Variants in CLASP1 observed in about 807,000 individuals in gnomAD.
The protein encoded by CLASP1 is cytoplasmic linker associated protein 1, also known as CLIP-associating protein 1.
Under a neutral mutation model 192.3 loss-of-function variants are expected in CLASP1, and 38 were observed. The observed-to-expected ratio is 0.20, with a 90% confidence interval of 0.15 to 0.26. CLASP1 has a LOEUF of 0.26. Among genes scored for constraint, CLASP1 ranks in the 10% least tolerant of loss-of-function variants. The probability of loss-of-function intolerance (pLI) is 1.00; values close to 1 mark genes in which losing one functional copy is unlikely to be tolerated. For missense variants in CLASP1, 1,433 were observed against 1,932.5 expected, an observed-to-expected ratio of 0.74 and a Z score of 4.85; for synonymous variants, 691 against 712.8, an observed-to-expected ratio of 0.97 and a Z score of 0.49.
intron 14 of CLASP1, among the ~76,000 whole-genome samples, chr2:121,455,435 T>C (rs150220240): frequency 7.2e-4 from 110 of 152,312 alleles, no homozygotes; most frequent in African/African-American, 2.5e-3. Context: ...ATAAAGATAA[T>C]GTAGCATATA....
At chr2:121,356,864 A>G (rs1181060319) in intron 37 of CLASP1, among the ~76,000 whole-genome samples, 3 of 152,224 alleles carry the variant, frequency 2.0e-5, no homozygotes, top group Non-Finnish European at 2.9e-5. Flanking sequence ...TCTAAGGGGT[A>G]GAACTAGGGC....
intron 30 of CLASP1, among the ~76,000 whole-genome samples, chr2:121,390,694 C>A (rs1189164794): frequency 6.6e-6 from 1 of 152,192 alleles, no homozygotes; most frequent in Non-Finnish European, 1.5e-5. Flanking sequence ...AGAGGAAAGG[C>A]AGAGTTTTCC....
At chr2:121,478,813 CCACA>C (rs2092134719) in intron 8 of CLASP1, among the ~76,000 whole-genome samples, 3 of 23,664 alleles carry the variant, frequency 1.3e-4, no homozygotes, top group South Asian at 1.3e-3. Context: ...CACACACACC[CCACA>C]CACAACCACA....
intron 2 of CLASP1, among the ~76,000 whole-genome samples, chr2:121,570,899 C>CA (rs1428668435): frequency 6.6e-6 from 1 of 152,046 alleles, no homozygotes; most frequent in Non-Finnish European, 1.5e-5. Flanking sequence ...ACTCGCTTAC[C>CA]CCTCCCCACT....
intron 22 of CLASP1, among the ~76,000 whole-genome samples, chr2:121,421,341 C>T (rs1344613076): frequency 3.9e-5 from 6 of 152,236 alleles, no homozygotes; most frequent in South Asian, 2.1e-4. Flanking sequence ...CTGCAACCTC[C>T]GCCTCCTGGG....
chr2:121,439,206 T>C (rs1316352102), intron 19 of CLASP1, among the ~76,000 whole-genome samples: 2 of 152,228 alleles, frequency 1.3e-5, no homozygotes, highest in African/African-American at 4.8e-5. Context: ...TTGCGTCTAT[T>C]TGATTCTTCT....
intron 8 of CLASP1, among the ~76,000 whole-genome samples, chr2:121,498,201 C>CGTTTTTTTTTTTTT (rs2093610276): frequency 8.4e-6 from 1 of 119,128 alleles, no homozygotes; most frequent in Non-Finnish European, 1.7e-5. Flanking sequence ...GTAATAGTTT[C>CGTTTTTTTTTTTTT]TTTTTTTTTT....
In CLASP1 at chr2:121,449,004, A is replaced by G. The variant is rs751884481; in HGVS notation, c.1640T>C (p.Val547Ala). 5 of 1,613,876 alleles carry G rather than the reference A, an allele frequency of 3.1e-6. No individual in the cohort carries two copies. The East Asian group carries it at 1.1e-4, about 36-fold the overall frequency. The change falls in exon 17 of 40, where the codon GTG becomes GCG. Residue 547 changes from valine (V) to alanine (A), a missense_variant. This residue lies in a region of CLASP1 where 445 missense variants were observed against 535.5 expected (regional missense o/e 0.83). Coordinates refer to ENST00000263710, the Ensembl canonical transcript of CLASP1. ...TGAGCGGTCTGACTGAGGCAGAGAC[A>G]CTATGCTGTCTGAGTTCTTCAGGTG...
At chr2:121,397,629 T>A (rs766246019) in intron 29 of CLASP1, among the ~76,000 whole-genome samples, 4 of 152,208 alleles carry the variant, frequency 2.6e-5, no homozygotes, top group Admixed American at 6.5e-5. Context: ...GCAGGGCATG[T>A]TCAGCTCTAG....
intron 7 of CLASP1, 45 bp downstream of exon 7, chr2:121,515,620 C>T (rs775932084): frequency 6.5e-5 from 68 of 1,053,178 alleles, no homozygotes; most frequent in African/African-American, 4.1e-4. Context: ...ACAAAGGGGG[C>T]GGGGGGTTGG....
intron 30 of CLASP1, among the ~76,000 whole-genome samples, chr2:121,396,506 TAAG>T (rs2075306804): frequency 6.6e-6 from 1 of 152,220 alleles, no homozygotes; most frequent in South Asian, 2.1e-4. Flanking sequence ...ATTAGAATAA[TAAG>T]GACAGTAAGT....
chr2:121,388,599 T>C (rs892755211), intron 30 of CLASP1, among the ~76,000 whole-genome samples: 12 of 152,034 alleles, frequency 7.9e-5, no homozygotes, highest in African/African-American at 2.4e-4. Flanking sequence ...GGAACAAGAG[T>C]GGTCAATGAG....
intron 19 of CLASP1, among the ~76,000 whole-genome samples, chr2:121,440,967 G>A (rs1393231681): frequency 6.6e-6 from 1 of 152,104 alleles, no homozygotes; most frequent in Non-Finnish European, 1.5e-5. Context: ...CAAAGCCTTT[G>A]ACTTTCATGG....
chr2:121,608,936 T>C (rs2064821832), intron 1 of CLASP1, among the ~76,000 whole-genome samples: 1 of 152,210 alleles, frequency 6.6e-6, no homozygotes, highest in African/African-American at 2.4e-5. Context: ...GCTTACGTAA[T>C]ACTGATTTAT....
At chr2:121,528,343 G>A (rs891137639) in intron 4 of CLASP1, among the ~76,000 whole-genome samples, 1 of 152,164 alleles carries the variant, frequency 6.6e-6, no homozygotes, top group Admixed American at 6.5e-5. Context: ...GCTCCAGCCA[G>A]GCCTCCTGAC....
At chr2:121,478,963 CCA>C (rs1559369903) in intron 8 of CLASP1, among the ~76,000 whole-genome samples, 4 of 50,336 alleles carry the variant, frequency 7.9e-5, no homozygotes, top group Admixed American at 2.0e-4. Context: ...CACACACACA[CCA>C]CACACACCAC....
chr2:121,506,512 G>A (rs1001525271), intron 7 of CLASP1, among the ~76,000 whole-genome samples: 14 of 152,204 alleles, frequency 9.2e-5, no homozygotes, highest in African/African-American at 3.4e-4. Flanking sequence ...GTGGGGGGAA[G>A]GAGGGGTAGA....
At chr2:121,479,204 G>GA (rs372766591) in intron 8 of CLASP1, among the ~76,000 whole-genome samples, 132 of 138,578 alleles carry the variant, frequency 9.5e-4, no homozygotes, top group African/African-American at 2.6e-3. Context: ...ACCAGAAAAA[G>GA]AAAAAAAAAA....
At chr2:121,435,282 T>C (rs2082108963) in intron 19 of CLASP1, among the ~76,000 whole-genome samples, 4 of 152,250 alleles carry the variant, frequency 2.6e-5, no homozygotes, top group African/African-American at 9.6e-5. Flanking sequence ...TTTTCTTTTT[T>C]TCTTTTTTTG....
Sources: allele counts gnomAD v4.1 joint callset (sites outside exome capture counted in the v4.1 genomes callset), GRCh38; gene constraint gnomAD v4.1.1; regional missense constraint gnomAD v4.1.1; transcripts MANE v1.5; gene names NCBI Gene and HGNC (gene_info 2026-07-23, HGNC 2026-07-21).